NCBP3: variants seen among roughly 807,000 people sequenced by gnomAD.
NCBP3 encodes the protein nuclear cap binding subunit 3.
In NCBP3, 20 loss-of-function variants were observed where a neutral mutation model predicts 75.7. That is an observed-to-expected ratio of 0.26 (90% CI 0.19 to 0.38). The LOEUF (loss-of-function observed/expected upper bound fraction) is 0.38. Ranked by LOEUF, NCBP3 falls within the 10% of genes least tolerant of loss-of-function variation. NCBP3 has a pLI of 1.00. For synonymous variants in NCBP3, 293 were observed against 290.5 expected, an observed-to-expected ratio of 1.01 and a Z score of -0.09; for missense variants, 678 against 796.9, an observed-to-expected ratio of 0.85 and a Z score of 1.80.
chr17:3,816,830 G>A (rs752045137), intron 10 of NCBP3, among the ~76,000 whole-genome samples: 3 of 152,146 alleles, frequency 2.0e-5, no homozygotes, highest in South Asian at 2.1e-4. Flanking sequence ...TCAGGAGATC[G>A]AGACCATCCT....
intron 4 of NCBP3, among the ~76,000 whole-genome samples, chr17:3,828,751 AGT>A (rs879305591): frequency 1.2e-4 from 19 of 152,042 alleles, no homozygotes; most frequent in Non-Finnish European, 2.6e-4. Flanking sequence ...AGTCTAGTAG[AGT>A]GTTTAGCTCT....
intron 3 of NCBP3, among the ~76,000 whole-genome samples, chr17:3,832,636 AAAAT>A (rs1294320153): frequency 6.6e-6 from 1 of 151,712 alleles, no homozygotes. Flanking sequence ...ATCTCAAAAA[AAAAT>A]AAAATAAAAT....
chr17:3,827,081 GA>G (rs1238513913), intron 4 of NCBP3, among the ~76,000 whole-genome samples: 1 of 117,384 alleles, frequency 8.5e-6, no homozygotes, highest in Non-Finnish European at 1.7e-5. Context: ...AGGGTAGGGG[GA>G]AAGGGGAAGG....
chr17:3,816,098 C>G lies in NCBP3; in HGVS notation c.1465+18G>C. The stretch of plus-strand genomic sequence containing the variant: ...CGGAGCTCAGAATCCAGCCAGGAAT[C>G]CAAGTGAGGAACAGTACCTGATTTA... On this transcript the variant is annotated intron_variant, in intron 11 of 12. Transcript: ENST00000389005. 5 of 1,603,000 alleles carry G rather than the reference C, an allele frequency of 3.1e-6. No individual in the cohort carries two copies. Among genetic ancestry groups the G allele is most frequent in the Non-Finnish European group, 4.3e-6 (5 of 1,174,280 alleles).
At chr17:3,836,597 G>A (rs780751615) in intron 3 of NCBP3, among the ~76,000 whole-genome samples, 3 of 148,344 alleles carry the variant, frequency 2.0e-5, no homozygotes, top group Non-Finnish European at 4.4e-5. Context: ...AGGTTATAGT[G>A]AGCCAAGATT....
At chr17:3,813,775 G>A (rs2053471180) in intron 12 of NCBP3, among the ~76,000 whole-genome samples, 1 of 152,150 alleles carries the variant, frequency 6.6e-6, no homozygotes, top group South Asian at 2.1e-4. Flanking sequence ...ACAAGGTCTT[G>A]CTGTTGCCCA....
At chr17:3,838,543 T>A (rs2054014526) in intron 3 of NCBP3, among the ~76,000 whole-genome samples, 1 of 152,190 alleles carries the variant, frequency 6.6e-6, no homozygotes, top group Non-Finnish European at 1.5e-5. Context: ...GCTTCCAGAG[T>A]TCAGCTCTGC....
intron 3 of NCBP3, among the ~76,000 whole-genome samples, chr17:3,836,775 T>C (rs536617918): frequency 2.0e-5 from 3 of 152,312 alleles, no homozygotes; most frequent in Non-Finnish European, 4.4e-5. Context: ...GATTAAGATT[T>C]GAATCCAGGT....
In NCBP3 at chr17:3,816,279, A is replaced by G; in HGVS notation, c.1311-9T>C. 1 of 1,611,806 alleles carries G rather than the reference A, an allele frequency of 6.2e-7. No individual in the cohort carries two copies. The highest frequency in any genetic ancestry group is 8.5e-7 in the Non-Finnish European group (1 of 1,178,874). ...CTGCCCTCATGGAGTTCCTTTAAAA[A>G]GGGGGTAGGATGGGGCACAGTTAAC... On this transcript the variant is annotated splice_polypyrimidine_tract_variant and intron_variant, in intron 10 of 12. Transcript: ENST00000389005.
In NCBP3 at chr17:3,846,225, G is replaced by C; in HGVS notation, c.-2C>G. 1 of 1,425,036 alleles carries C rather than the reference G, an allele frequency of 7.0e-7. No individual in the cohort carries two copies. Among genetic ancestry groups the C allele is most frequent in the East Asian group, 2.9e-5 (1 of 33,996 alleles). 88.3% of individuals were successfully genotyped at this position (1,425,036 alleles called of 1,614,324 possible). A position where few individuals can be genotyped will look rare whatever the true frequency, so the allele number is the denominator to read the frequency against. ...CCGCAGGCCCCGTACGGCCGCCATC[G>C]CTGCCTGCCGGCCGCACCACTGAGA... On this transcript the variant is annotated 5_prime_UTR_variant, in exon 1 of 13. Transcript: ENST00000389005. This position sits in a 1 kb window ranked among gnomAD's most constrained non-coding sequence, Gnocchi z 4.6.
At chr17:3,836,073 C>A (rs1316616662) in intron 3 of NCBP3, among the ~76,000 whole-genome samples, 1 of 152,204 alleles carries the variant, frequency 6.6e-6, no homozygotes, top group African/African-American at 2.4e-5. Flanking sequence ...AATGACACAG[C>A]AGAGCGACTG....
intron 1 of NCBP3, 146 bp from the exon 2 acceptor site, chr17:3,843,297 G>A (rs2054100007): frequency 1.5e-6 from 1 of 660,622 alleles, no homozygotes; most frequent in East Asian, 2.7e-5. Context: ...CCAGGCCGGA[G>A]TGCAGTAGAA....
intron 12 of NCBP3, 35 bp from the exon 13 acceptor site, chr17:3,813,314 C>T (rs1277972711): frequency 6.2e-7 from 1 of 1,610,496 alleles, no homozygotes; most frequent in East Asian, 2.2e-5. Flanking sequence ...CTTTCGCAGT[C>T]AGCGCTAAGA....
chr17:3,845,931 G>A, intron 1 of NCBP3, 110 bp downstream of exon 1: 6 of 1,246,722 alleles, frequency 4.8e-6, no homozygotes, highest in South Asian at 1.5e-5. Context: ...CTCCTCTCCC[G>A]CTCCCTTGAC....
Position 3,832,399 on chromosome 17 carries a change from C to T in NCBP3, c.356-3031G>A, listed in dbSNP as rs1247843100. 4.2e-4 allele frequency among the ~76,000 whole-genome samples: 50 copies of T among 118,210 alleles called. 9 individuals carry two copies. The highest frequency in any genetic ancestry group is 1.8e-3 in the South Asian group (6 of 3,290). 77.6% of individuals were successfully genotyped at this position (118,210 alleles called of 152,430 possible). A position where few individuals can be genotyped will look rare whatever the true frequency, so the allele number is the denominator to read the frequency against. ...CTGTAATCCCAGCACTTTGGGAGGC[C>T]GGGGCGGGCAGATCACAAGGTCAGA... On this transcript the variant is annotated intron_variant, in intron 3 of 12. Coordinates refer to ENST00000389005, the MANE Select transcript of NCBP3 (RefSeq NM_001114118.3).
At position 3,811,522 on chromosome 17, in the gene NCBP3, G is replaced by C. The variant is rs1451122720; in HGVS notation, c.*1522C>G. ...AATCAACAAAATATGGGACAATACA[G>C]TTTTTGTTGCAGCTCTCAAATCTTG... On this transcript the variant is annotated 3_prime_UTR_variant, in exon 13 of 13. Transcript: ENST00000389005. 1 of 152,212 alleles carries C rather than the reference G, an allele frequency of 6.6e-6. No individual in the cohort carries two copies. The highest frequency in any genetic ancestry group is 1.5e-5 in the Non-Finnish European group (1 of 68,036). 9.4% of individuals were successfully genotyped at this position (152,212 alleles called of 1,614,324 possible). A position where few individuals can be genotyped will look rare whatever the true frequency, so the allele number is the denominator to read the frequency against.
At position 3,812,499 on chromosome 17, in the gene NCBP3, C is replaced by T. The variant is rs925075163; in HGVS notation, c.*545G>A. ...ATGCTGCAGCTCTTATCTACCTGGG[C>T]GGCACTGGTGCACCTCTGAGGTCAG... On this transcript the variant is annotated 3_prime_UTR_variant, in exon 13 of 13. Coordinates refer to ENST00000389005, the MANE Select transcript of NCBP3 (RefSeq NM_001114118.3). The T allele has an allele frequency of 2.3e-5, 23 of 991,920 alleles. No homozygotes were observed. The highest frequency in any genetic ancestry group is 4.6e-5 in the South Asian group (1 of 21,832). 61.4% of individuals were successfully genotyped at this position (991,920 alleles called of 1,614,324 possible).
At chr17:3,835,591 T>C (rs1265653146) in intron 3 of NCBP3, among the ~76,000 whole-genome samples, 3 of 152,224 alleles carry the variant, frequency 2.0e-5, no homozygotes, top group Non-Finnish European at 4.4e-5. Context: ...AAGGCAATGC[T>C]CAACACAAGT....
At chr17:3,821,722 C>T (rs909428936) in intron 8 of NCBP3, among the ~76,000 whole-genome samples, 1 of 152,180 alleles carries the variant, frequency 6.6e-6, no homozygotes, top group East Asian at 1.9e-4. Flanking sequence ...CATGTCTGGG[C>T]TCGCTAATTC....
Sources: allele counts gnomAD v4.1 joint callset (sites outside exome capture counted in the v4.1 genomes callset), GRCh38; gene constraint gnomAD v4.1.1; non-coding constraint Gnocchi (gnomAD v3.1); transcripts MANE v1.5; gene names NCBI Gene and HGNC (gene_info 2026-07-23, HGNC 2026-07-21).